The following PHACTR1 variants were observed in gnomAD, a reference collection of about 807,000 sequenced individuals.
The protein encoded by PHACTR1 is RPEL repeat containing 1.
Under a neutral mutation model 69.2 loss-of-function variants are expected in PHACTR1, and 16 were observed. The ratio of observed to expected loss-of-function variants is 0.23; its 90% CI spans 0.16 to 0.35. PHACTR1 has a LOEUF of 0.35. Among genes scored for constraint, PHACTR1 ranks in the 10% least tolerant of loss-of-function variants. The pLI is 1.00. For synonymous variants in PHACTR1, 312 were observed against 284.5 expected (o/e 1.10, Z -0.97); for missense variants, 510 against 734.7 (o/e 0.69, Z 3.54).
chr6:13,059,206 G>A (rs1261991728), intron 5 of PHACTR1, among the ~76,000 whole-genome samples: 7 of 152,086 alleles, frequency 4.6e-5, no homozygotes, highest in African/African-American at 1.7e-4. Context: ...ACCCTGCCAA[G>A]TGAAACATAC....
At chr6:13,169,608 C>G (rs1475567591) in intron 6 of PHACTR1, among the ~76,000 whole-genome samples, 1 of 152,046 alleles carries the variant, frequency 6.6e-6, no homozygotes, top group African/African-American at 2.4e-5. Flanking sequence ...ATTATGGAAG[C>G]CAACACAAGA....
intron 7 of PHACTR1, among the ~76,000 whole-genome samples, chr6:13,194,401 C>CAA (rs1297859837): frequency 5.0e-5 from 5 of 99,666 alleles, no homozygotes; most frequent in East Asian, 3.5e-4. Flanking sequence ...GACTCCGTCT[C>CAA]AAAAAAAAAA....
intron 4 of PHACTR1, among the ~76,000 whole-genome samples, chr6:12,887,349 G>A (rs1783742853): frequency 6.6e-6 from 1 of 152,196 alleles, no homozygotes; most frequent in African/African-American, 2.4e-5. Context: ...GGCTTAATAC[G>A]TTGCAGCTTT....
At chr6:13,083,940 C>A (rs1316121476) in intron 5 of PHACTR1, among the ~76,000 whole-genome samples, 2 of 152,140 alleles carry the variant, frequency 1.3e-5, no homozygotes, top group Non-Finnish European at 2.9e-5. Context: ...CCTTTGTTCC[C>A]TTCTCCTGCC....
intron 4 of PHACTR1, among the ~76,000 whole-genome samples, chr6:12,761,772 A>G (rs1768043662): frequency 6.6e-6 from 1 of 152,152 alleles, no homozygotes; most frequent in African/African-American, 2.4e-5. Flanking sequence ...TGCCCTAATT[A>G]TTTGTTTTGA....
At chr6:13,080,710 T>C (rs569515919) in intron 5 of PHACTR1, among the ~76,000 whole-genome samples, 2 of 152,212 alleles carry the variant, frequency 1.3e-5, no homozygotes, top group South Asian at 4.2e-4. Context: ...CCTTACATTG[T>C]CCTTGAGGAT....
intron 4 of PHACTR1, among the ~76,000 whole-genome samples, chr6:12,813,172 A>G (rs1775213598): frequency 1.3e-5 from 2 of 152,240 alleles, no homozygotes; most frequent in South Asian, 2.1e-4. Flanking sequence ...CATCTCTTCA[A>G]TAAGTGTTTA....
intron 4 of PHACTR1, among the ~76,000 whole-genome samples, chr6:12,953,540 A>T (rs1582670621): frequency 6.6e-6 from 1 of 152,352 alleles, no homozygotes; most frequent in East Asian, 1.9e-4. Flanking sequence ...ACACAACTAC[A>T]CATCAACTTG....
At chr6:13,005,324 C>G (rs1190558169) in intron 4 of PHACTR1, among the ~76,000 whole-genome samples, 1 of 151,622 alleles carries the variant, frequency 6.6e-6, no homozygotes, top group Non-Finnish European at 1.5e-5. Flanking sequence ...ATATATGTCT[C>G]TATATATATA....
intron 4 of PHACTR1, among the ~76,000 whole-genome samples, chr6:12,895,943 T>C (rs1486603913): frequency 6.6e-6 from 1 of 152,208 alleles, no homozygotes; most frequent in African/African-American, 2.4e-5. Flanking sequence ...GACCTCATTA[T>C]AGTACTTGTT....
chr6:13,258,988 G>A (rs1011477210), intron 10 of PHACTR1, among the ~76,000 whole-genome samples: 1 of 152,216 alleles, frequency 6.6e-6, no homozygotes, highest in Non-Finnish European at 1.5e-5. Context: ...CGCAGGGATG[G>A]TTGGAGGAGT....
At chr6:12,804,893 C>T (rs1281724583) in intron 4 of PHACTR1, among the ~76,000 whole-genome samples, 1 of 152,074 alleles carries the variant, frequency 6.6e-6, no homozygotes, top group East Asian at 1.9e-4. Flanking sequence ...ATAAATACTC[C>T]AAAAATGGAC....
chr6:13,025,671 TTGTGTGTGTG>T (rs60800778), intron 4 of PHACTR1, among the ~76,000 whole-genome samples: 10 of 140,316 alleles, frequency 7.1e-5, no homozygotes, highest in East Asian at 2.1e-4. Flanking sequence ...CATATATTAT[TTGTGTGTGTG>T]TGTGTGTGTG....
chr6:13,226,826 C>T (rs1769820307), intron 8 of PHACTR1, among the ~76,000 whole-genome samples: 1 of 151,470 alleles, frequency 6.6e-6, no homozygotes, highest in South Asian at 2.1e-4. Flanking sequence ...CAACCTCTGC[C>T]TCCCAGGCTC....
intron 5 of PHACTR1, among the ~76,000 whole-genome samples, chr6:13,056,455 T>C (rs911586897): frequency 3.3e-5 from 5 of 152,182 alleles, no homozygotes; most frequent in Middle Eastern, 3.2e-3. Flanking sequence ...TCTAAGTAAA[T>C]ATACATGAGA....
rs1254296063 is a variant in PHACTR1 at position 13,226,614 on chromosome 6, T to C, written c.987-1202T>C. Reference sequence around the variant, plus strand: ...ATTCTATGATTCTTACTAGATTTCATGCAAAGCCTGTCATAAAAAAGGGTT... The same window carrying C: ...ATTCTATGATTCTTACTAGATTTCACGCAAAGCCTGTCATAAAAAAGGGTT... On this transcript the variant is annotated intron_variant, in intron 8 of 14. Transcript: ENST00000332995. Among the ~76,000 whole-genome samples, 6 of 152,344 alleles carry C rather than the reference T, an allele frequency of 3.9e-5. No homozygotes were observed. In the South Asian group the frequency reaches 1.0e-3, roughly 26 times the overall value.
chr6:13,230,693 T>C (rs749746186), intron 10 of PHACTR1, among the ~76,000 whole-genome samples: 6 of 152,126 alleles, frequency 3.9e-5, no homozygotes, highest in African/African-American at 7.2e-5. Context: ...AGAGGCAGGT[T>C]TCCAGGGAGA....
At chr6:12,754,724 C>T (rs1215397197) in intron 4 of PHACTR1, among the ~76,000 whole-genome samples, 1 of 152,206 alleles carries the variant, frequency 6.6e-6, no homozygotes, top group African/African-American at 2.4e-5. Flanking sequence ...ATTCAACCAA[C>T]CAGGGATGGG....
intron 5 of PHACTR1, among the ~76,000 whole-genome samples, chr6:13,134,755 C>T (rs941360931): frequency 3.4e-5 from 5 of 146,516 alleles, no homozygotes; most frequent in Non-Finnish European, 7.4e-5. Flanking sequence ...CCTGCCAAAT[C>T]CCCCTCTCCG....
Sources: gnomAD v4.1 joint callset for allele counts (sites outside exome capture counted in the v4.1 genomes callset) on GRCh38, gnomAD v4.1.1 for gene constraint, MANE v1.5 for transcripts, NCBI Gene and HGNC (gene_info 2026-07-23, HGNC 2026-07-21) for gene names.